The following SLC4A4 variants were observed in gnomAD, a reference collection of about 807,000 sequenced individuals.
SLC4A4 encodes solute carrier family 4 member 4.
SLC4A4 carries 27 observed loss-of-function variants against 111.5 expected under a neutral mutation model. The ratio of observed to expected loss-of-function variants is 0.24; its 90% CI spans 0.18 to 0.33. SLC4A4 has a LOEUF of 0.33. Ranked by LOEUF, SLC4A4 falls within the 10% of genes least tolerant of loss-of-function variation. SLC4A4 has a pLI of 1.00. For synonymous variants in SLC4A4, 443 were observed against 463.4 expected (o/e 0.96, Z 0.57); for missense variants, 909 against 1,315.5 (o/e 0.69, Z 4.78).
intron 6 of SLC4A4, among the ~76,000 whole-genome samples, chr4:71,375,396 T>C (rs1406985517): frequency 6.6e-6 from 1 of 152,252 alleles, no homozygotes; most frequent in Non-Finnish European, 1.5e-5. Context: ...CACTTCCCAT[T>C]ACTAGAATTT....
intron 20 of SLC4A4, among the ~76,000 whole-genome samples, chr4:71,553,304 G>C (rs1736196570): frequency 6.6e-6 from 1 of 151,658 alleles, no homozygotes; most frequent in African/African-American, 2.4e-5. Flanking sequence ...TGGTAGATTT[G>C]GTGATATCTG....
chr4:71,377,379 A>G (rs756858028), intron 6 of SLC4A4, among the ~76,000 whole-genome samples: 81 of 152,354 alleles, frequency 5.3e-4, no homozygotes, highest in Middle Eastern at 6.8e-3. Flanking sequence ...TCATTGAGAA[A>G]TGATATCTAC....
At chr4:71,567,107 T>C (rs200869718) in intron 25 of SLC4A4, 24 bp downstream of exon 25, 25 of 1,569,018 alleles carry the variant, frequency 1.6e-5, no homozygotes, top group Non-Finnish European at 2.2e-5. Flanking sequence ...CAGTATTTTA[T>C]GTTTTTCTGT....
At chr4:71,292,217 G>A (rs1724413941) in intron 3 of SLC4A4, among the ~76,000 whole-genome samples, 1 of 152,166 alleles carries the variant, frequency 6.6e-6, no homozygotes, top group Admixed American at 6.5e-5. Context: ...TACTTTTCTG[G>A]TGAGTTAAAT....
chr4:71,536,916 C>A (rs1734554391), intron 18 of SLC4A4, among the ~76,000 whole-genome samples: 1 of 151,584 alleles, frequency 6.6e-6, no homozygotes, highest in Admixed American at 6.6e-5. Flanking sequence ...TATATATACA[C>A]ACATATAATA....
In SLC4A4 at chr4:71,255,236, C is replaced by T. The variant is rs1394446814; in HGVS notation, c.90C>T (p.Tyr30=). 6.2e-7 allele frequency: 1 copy of T among 1,613,332 alleles called. No individual in the cohort carries two copies. The highest frequency in any genetic ancestry group is 1.3e-5 in the African/African-American group (1 of 74,986). ...EEEVEGHHTI[Y]IGVHVPKSYR... ...CTTCCTTAGGCCACCATACCATTTA[C>T]ATCGGAGTCCATGTGCCGAAGAGTT... The change falls in exon 3 of 26, where the codon TAC becomes TAT. Residue 30 remains tyrosine, a synonymous_variant. Transcript: ENST00000264485.
At chr4:71,446,367 T>C (rs546285479) in intron 8 of SLC4A4, among the ~76,000 whole-genome samples, 14 of 152,320 alleles carry the variant, frequency 9.2e-5, no homozygotes. Context: ...TAAGATTTCT[T>C]GTCCCTGGCT....
intron 2 of SLC4A4, among the ~76,000 whole-genome samples, chr4:71,156,582 G>A (rs867024516): frequency 8.0e-5 from 9 of 111,920 alleles, no homozygotes; most frequent in Non-Finnish European, 1.0e-4. Flanking sequence ...ATGCGCGCGC[G>A]CGCGCGCACA....
At chr4:71,469,455 C>A (rs1417342864) in intron 13 of SLC4A4, among the ~76,000 whole-genome samples, 1 of 151,780 alleles carries the variant, frequency 6.6e-6, no homozygotes, top group Non-Finnish European at 1.5e-5. Context: ...TTCAGTTTGT[C>A]TTGTATCCTT....
intron 1 of SLC4A4, among the ~76,000 whole-genome samples, chr4:71,204,220 G>T (rs1717603811): frequency 1.3e-5 from 2 of 152,186 alleles, no homozygotes; most frequent in African/African-American, 4.8e-5. Flanking sequence ...GAAAATTGAT[G>T]ATGATTTTTA....
At chr4:71,155,143 GA>G (rs1560748585) in intron 2 of SLC4A4, among the ~76,000 whole-genome samples, 1 of 151,918 alleles carries the variant, frequency 6.6e-6, no homozygotes, top group Non-Finnish European at 1.5e-5. Context: ...GTCTAACGTT[GA>G]AAAAGTTTGA....
At chr4:71,063,525 C>G (rs1480007796) in intron 1 of SLC4A4, among the ~76,000 whole-genome samples, 1 of 151,728 alleles carries the variant, frequency 6.6e-6, no homozygotes, top group Non-Finnish European at 1.5e-5. Flanking sequence ...TATTTATTTT[C>G]TATTATAATT....
intron 18 of SLC4A4, among the ~76,000 whole-genome samples, chr4:71,538,547 C>G (rs1366309404): frequency 2.6e-5 from 4 of 152,048 alleles, no homozygotes; most frequent in African/African-American, 9.7e-5. Context: ...GAAAGGAGAG[C>G]TGTGGAATAT....
intron 4 of SLC4A4, among the ~76,000 whole-genome samples, chr4:71,341,208 T>C (rs961596477): frequency 5.9e-5 from 9 of 152,188 alleles, no homozygotes; most frequent in Admixed American, 2.0e-4. Context: ...ACCATGAATA[T>C]AGCAGTGAGC....
At chr4:71,510,374 A>G (rs1011048109) in intron 16 of SLC4A4, among the ~76,000 whole-genome samples, 1 of 152,096 alleles carries the variant, frequency 6.6e-6, no homozygotes, top group African/African-American at 2.4e-5. Context: ...TTTATTTGCT[A>G]TTTTGGTCCC....
intron 6 of SLC4A4, among the ~76,000 whole-genome samples, chr4:71,385,200 T>A (rs1164524625): frequency 1.0e-5 from 1 of 98,752 alleles, no homozygotes; most frequent in Non-Finnish European, 2.1e-5. Context: ...TATTTTTTTT[T>A]TTTTTTTTTT....
At position 71,531,827 on chromosome 4, in the gene SLC4A4, AAAGAGC is replaced by A. The variant is rs757770580; in HGVS notation, c.2167-234_2167-229del. ...CACAGAAAGAGAGAGAGAGAGAGAG[AAAGAGC>A]GAGCGCAACCTGTTCTTTGGGATAC... On this transcript the variant is annotated intron_variant, in intron 16 of 25. Transcript: ENST00000264485. Among the ~76,000 whole-genome samples the A allele has an allele frequency of 1.9e-3, 267 of 140,834 alleles. 4 individuals are homozygous for A. Among genetic ancestry groups the A allele is most frequent in the South Asian group, 0.019 (85 of 4,496 alleles). 92.4% of individuals were successfully genotyped at this position (140,834 alleles called of 152,430 possible).
intron 2 of SLC4A4, among the ~76,000 whole-genome samples, chr4:71,152,577 G>A (rs964616430): frequency 6.6e-6 from 1 of 152,068 alleles, no homozygotes; most frequent in Non-Finnish European, 1.5e-5. Flanking sequence ...TACTCTTAAT[G>A]GGCATTTGGG....
chr4:71,438,285 C>T (rs13124079), intron 7 of SLC4A4, among the ~76,000 whole-genome samples: 30,013 of 152,094 alleles, frequency 0.2, 3,299 homozygotes, highest in South Asian at 0.42. Flanking sequence ...AAACTAAGTA[C>T]GATAGATGCA....
Sources: gnomAD v4.1 joint callset for allele counts (sites outside exome capture counted in the v4.1 genomes callset) on GRCh38, gnomAD v4.1.1 for gene constraint, MANE v1.5 for transcripts, NCBI Gene and HGNC (gene_info 2026-07-23, HGNC 2026-07-21) for gene names.